Variants in CELA3A observed in about 807,000 individuals in gnomAD.
CELA3A encodes the protein chymotrypsin like elastase 3A, also known as chymotrypsin-like elastase family member 3A.
In CELA3A, 35 loss-of-function variants were observed where a neutral mutation model predicts 38.6. The observed-to-expected ratio is 0.91, with a 90% CI of 0.69 to 1.20. The LOEUF is 1.20. CELA3A is among the 50% of genes most tolerant of loss of function. The pLI, the probability that CELA3A is intolerant of heterozygous loss-of-function variation, is 0.00. For synonymous variants in CELA3A, 143 were observed against 136.7 expected (o/e 1.05, Z -0.32); for missense variants, 343 against 354.2 (o/e 0.97, Z 0.25).
rs757354027 is a variant in CELA3A at position 22,006,955 on chromosome 1, C to G, written c.440C>G (p.Ala147Gly). ...GTCCAGCTCGCCTCACTCCCTCCCG[C>G]TGGTGACATCCTTCCCAACAAGACA... ...DAVQLASLPP[A>G]GDILPNKTPC... is the part of the protein sequence containing the mutation. Residue 147 changes from alanine (A) to glycine (G), a missense_variant, in exon 5 of 8, where the codon GCT becomes GGT. Transcript: ENST00000290122. 23 of 1,612,418 alleles carry G rather than the reference C, an allele frequency of 1.4e-5. No homozygotes were observed. In the South Asian group the frequency reaches 2.3e-4, roughly 16 times the overall value.
intron 4 of CELA3A, among the ~76,000 whole-genome samples, chr1:22,006,458 C>G (rs541358814): frequency 6.6e-6 from 1 of 151,178 alleles, no homozygotes; most frequent in Non-Finnish European, 1.5e-5. Context: ...ACTCGGGAGG[C>G]GGAGGCTGCA....
At chr1:22,003,492 C>G (rs1298198590) in intron 2 of CELA3A, among the ~76,000 whole-genome samples, 1 of 150,672 alleles carries the variant, frequency 6.6e-6, no homozygotes, top group Non-Finnish European at 1.5e-5. Flanking sequence ...GCTCAGAAGG[C>G]TGGACTTGAT....
chr1:22,007,067 C>T lies in CELA3A; in HGVS notation c.499+53C>T, dbSNP rs545312418. On this transcript the variant is annotated intron_variant, in intron 5 of 7. Coordinates refer to ENST00000290122, the MANE Select transcript of CELA3A (RefSeq NM_005747.5). ...CAGAGACAGTGGCAGAAAGACAGGG[C>T]CTGGGGGCTGCAGGTTGAAGGTAAC... is the stretch of plus-strand genomic sequence containing the variant. The T allele has an allele frequency of 9.0e-5, 143 of 1,596,564 alleles. 1 individual carries two copies. In the South Asian group the frequency reaches 1.2e-3, roughly 13 times the overall value.
At chr1:22,007,094 C>G (rs1162093459) in intron 5 of CELA3A, 80 bp downstream of exon 5, 1 of 1,563,246 alleles carries the variant, frequency 6.4e-7, no homozygotes, top group Non-Finnish European at 8.7e-7. Context: ...GAAGGTAACA[C>G]CAAGACCGGA....
chr1:22,011,542 C>A (rs1644983775), intron 7 of CELA3A, among the ~76,000 whole-genome samples: 1 of 122,230 alleles, frequency 8.2e-6, no homozygotes, highest in Non-Finnish European at 1.7e-5. Flanking sequence ...AGGTGGATCA[C>A]AAGGTCAGGA....
chr1:22,012,162 T>TAC lies in CELA3A; in HGVS notation c.796-278_796-277dup, dbSNP rs560823175. ...ATATACACACAAATACGTATATATA[T>TAC]ACACACACACATATACACACACATG... On this transcript the variant is annotated intron_variant, in intron 7 of 7. Transcript: ENST00000290122. 4.0e-3 allele frequency among the ~76,000 whole-genome samples: 519 copies of TAC among 128,512 alleles called. 145 individuals carry two copies. Among genetic ancestry groups the TAC allele is most frequent in the African/African-American group, 0.016 (495 of 31,594 alleles). The allele number at this position is 128,512 out of a possible 152,430, so 84.3% of individuals were successfully genotyped here. A position where few individuals can be genotyped will look rare whatever the true frequency, so the allele number is the denominator to read the frequency against.
Position 22,006,774 on chromosome 1 carries a change from G to C in CELA3A, c.363-104G>C, listed in dbSNP as rs990623663. 3 of 1,448,144 alleles carry C rather than the reference G, an allele frequency of 2.1e-6. No individual in the cohort carries two copies. In the African/African-American group the frequency reaches 4.4e-5, roughly 21 times the overall value. 89.7% of individuals were successfully genotyped at this position (1,448,144 alleles called of 1,614,324 possible). On this transcript the variant is annotated intron_variant, in intron 4 of 7. Coordinates refer to ENST00000290122, the MANE Select transcript of CELA3A (RefSeq NM_005747.5). ...TGAAAGAGTGGATTTGGAGGGTAAA[G>C]AAGTTGGGGCATCTCAGAGGTGGAA...
At chr1:22,009,562 AATAAT>A (rs374655086) in intron 6 of CELA3A, 138 bp from the exon 7 acceptor site, 12,725 of 1,137,326 alleles carry the variant, frequency 0.011, 203 homozygotes, top group East Asian at 0.025. Context: ...AAAAAATAAA[AATAAT>A]AAATGATAAA....
intron 6 of CELA3A, among the ~76,000 whole-genome samples, chr1:22,009,134 G>A (rs1644968609): frequency 6.6e-6 from 1 of 151,260 alleles, no homozygotes; most frequent in Non-Finnish European, 1.5e-5. Context: ...GGGAGGCTGA[G>A]GCGGGCGGAT....
rs745775774 is a variant in CELA3A, at chr1:22,001,720, A to G, written c.43+3A>G. The G allele has an allele frequency of 3.7e-6, 6 of 1,612,146 alleles. No individual in the cohort carries two copies. The South Asian group carries it at 6.6e-5, about 18-fold the overall frequency. On this transcript the variant is annotated splice_donor_region_variant and intron_variant, in intron 1 of 7. Coordinates refer to ENST00000290122, the MANE Select transcript of CELA3A (RefSeq NM_005747.5). Reference sequence around the variant, plus strand: ...TTCCCTCCTCCTTGTGGCCGTTGGTAAGACCCCAACCTGTCTGTGTGCTCC... The same window carrying G: ...TTCCCTCCTCCTTGTGGCCGTTGGTGAGACCCCAACCTGTCTGTGTGCTCC...
intron 7 of CELA3A, chr1:22,010,753 C>T: frequency 6.6e-6 from 1 of 150,460 alleles, no homozygotes; most frequent in Non-Finnish European, 1.5e-5. Context: ...CTATACCCAT[C>T]AGGTTCTGCA....
intron 4 of CELA3A, 55 bp from the exon 5 acceptor site, chr1:22,006,823 G>A: frequency 1.9e-6 from 3 of 1,596,050 alleles, no homozygotes; most frequent in African/African-American, 1.4e-5. Context: ...CGGCTAGAAG[G>A]TAGGACTTGG....
rs745445958 is a variant in CELA3A, at chr1:22,007,371, A to T, written c.500-2A>T. The T allele has an allele frequency of 6.2e-7, 1 of 1,608,080 alleles. No homozygotes were observed. The highest frequency in any genetic ancestry group is 2.2e-5 in the East Asian group (1 of 44,624). On this transcript the variant is annotated splice_acceptor_variant, in intron 5 of 7. Coordinates refer to ENST00000290122, the MANE Select transcript of CELA3A (RefSeq NM_005747.5). LOFTEE classifies it high-confidence loss of function. ...CTGACTCGGTGCTTTTTATCCTTGC[A>T]GCCAATGGGCCACTCCCAGACAAGC...
rs774915999 is a variant in CELA3A at position 22,009,755 on chromosome 1, G to T, written c.693G>T (p.Gln231His). ...GCCCCACAGAGGATGGTGGCTGGCA[G>T]GTCCACGGTGTGACCAGCTTTGTTT... is the stretch of plus-strand genomic sequence containing the variant. ...LNCPTEDGGW[Q>H]VHGVTSFVSA... The change falls in exon 7 of 8, where the codon CAG becomes CAT. Residue 231 changes from glutamine (Q) to histidine (H), a missense_variant. Transcript: ENST00000290122. 1 of 1,612,282 alleles carries T rather than the reference G, an allele frequency of 6.2e-7. No homozygotes were observed. The highest frequency in any genetic ancestry group is 1.1e-5 in the South Asian group (1 of 91,010).
intron 6 of CELA3A, among the ~76,000 whole-genome samples, 181 bp downstream of exon 6, chr1:22,007,696 C>G (rs1644959814): frequency 6.6e-6 from 1 of 150,948 alleles, no homozygotes; most frequent in Non-Finnish European, 1.5e-5. Context: ...GAGTCAGGAC[C>G]CCCGGGTTGC....
Position 22,005,674 on chromosome 1 carries a change from C to T in CELA3A, c.240C>T (p.Thr80=), listed in dbSNP as rs1348407306. Residue 80 remains threonine, a synonymous_variant, in exon 4 of 8, where the codon ACC becomes ACT. Coordinates refer to ENST00000290122, the MANE Select transcript of CELA3A (RefSeq NM_005747.5). ...CCTCTGCCTGCAGGAGGGATCTGAC[C>T]TACCAGGTGGTGTTGGGTGAGTACA... ...TAGHCISRDL[T]YQVVLGEYNL... 1.4e-5 allele frequency: 22 copies of T among 1,612,336 alleles called. 1 individual carries two copies. The highest frequency in any genetic ancestry group is 1.7e-5 in the Non-Finnish European group (20 of 1,179,466).
chr1:22,003,803 T>C (rs1644932427), intron 2 of CELA3A, among the ~76,000 whole-genome samples: 1 of 150,678 alleles, frequency 6.6e-6, no homozygotes, highest in African/African-American at 2.5e-5. Flanking sequence ...CCACCCGGGT[T>C]CAAGCAATTC....
In CELA3A at chr1:22,010,056, G is replaced by A. The variant is rs1023696170; in HGVS notation, c.795+199G>A. On this transcript the variant is annotated intron_variant, in intron 7 of 7. Coordinates refer to ENST00000290122, the MANE Select transcript of CELA3A (RefSeq NM_005747.5). ...CCCAGGAACTTGATGGCTTCTGGGTGGTGCTTGGAACTACAGCTGAACTTC... is the reference window on the plus strand; with the variant it reads ...CCCAGGAACTTGATGGCTTCTGGGTAGTGCTTGGAACTACAGCTGAACTTC... 9.2e-6 allele frequency: 7 copies of A among 758,780 alleles called. No individual in the cohort carries two copies. The Admixed American group carries it at 2.0e-4, about 21-fold the overall frequency. 47.0% of individuals were successfully genotyped at this position (758,780 alleles called of 1,614,324 possible). A position where few individuals can be genotyped will look rare whatever the true frequency, so the allele number is the denominator to read the frequency against.
At position 22,007,328 on chromosome 1, in the gene CELA3A, C is replaced by T. The variant is rs369615455; in HGVS notation, c.500-45C>T. ...TGCCCCCTTCCTCTGGGGCACCTAG[C>T]GGTGTGCCCCCAGACCCCTGACTCG... is the stretch of plus-strand genomic sequence containing the variant. On this transcript the variant is annotated intron_variant, in intron 5 of 7. Coordinates refer to ENST00000290122, the MANE Select transcript of CELA3A (RefSeq NM_005747.5). The T allele has an allele frequency of 6.0e-5, 95 of 1,571,960 alleles. 2 individuals carry two copies. Among genetic ancestry groups the T allele is most frequent in the Non-Finnish European group, 7.4e-5 (86 of 1,159,338 alleles).
Sources: gnomAD v4.1 joint callset for allele counts (sites outside exome capture counted in the v4.1 genomes callset) on GRCh38, gnomAD v4.1.1 for gene constraint, MANE v1.5 for transcripts, NCBI Gene and HGNC (gene_info 2026-07-23, HGNC 2026-07-21) for gene names.